Variants in PCBP3 observed in about 807,000 individuals in gnomAD.
PCBP3 encodes the protein poly(rC)-binding protein 3.
Under a neutral mutation model 52.7 loss-of-function variants are expected in PCBP3, and 25 were observed. The observed-to-expected ratio is 0.47, with a 90% CI of 0.35 to 0.66. The LOEUF is 0.66. Among genes scored for constraint, PCBP3 ranks in the 30% least tolerant of loss-of-function variants. PCBP3 has a pLI of 0.01. For missense variants in PCBP3, 391 were observed against 490.3 expected (o/e 0.80, Z 1.91); for synonymous variants, 162 against 183.0 (o/e 0.89, Z 0.93).
At chr21:45,669,281 C>T (rs1485866639) in intron 2 of PCBP3, among the ~76,000 whole-genome samples, 1 of 152,054 alleles carries the variant, frequency 6.6e-6, no homozygotes, top group Non-Finnish European at 1.5e-5. Flanking sequence ...ATTCTTTCTT[C>T]AGCAGCACTC....
chr21:45,665,959 G>A lies in PCBP3; in HGVS notation c.-278-2915G>A, dbSNP rs115186146. On this transcript the variant is annotated intron_variant, in intron 1 of 17. Coordinates refer to ENST00000681687, the MANE Select transcript of PCBP3 (RefSeq NM_001384156.1). ...GGTTTTGTTCCAGGGATGCAAGGAT[G>A]GTTCAACATATGTAAATCATTAAAT... Among the ~76,000 whole-genome samples, 184 of 152,156 alleles carry A rather than the reference G, an allele frequency of 1.2e-3. 1 individual carries two copies. The highest frequency in any genetic ancestry group is 6.8e-3 in the Middle Eastern group (2 of 294).
At chr21:45,862,481 G>A (rs2094547277) in intron 5 of PCBP3, among the ~76,000 whole-genome samples, 1 of 152,066 alleles carries the variant, frequency 6.6e-6, no homozygotes, top group Non-Finnish European at 1.5e-5. Flanking sequence ...AGTCTGAATA[G>A]GCAGATCTCA....
chr21:45,828,455 T>C (rs1603445719), intron 4 of PCBP3: 3 of 152,230 alleles, frequency 2.0e-5, no homozygotes, highest in South Asian at 2.1e-4. Context: ...ATGGGTGGGA[T>C]CAGTTCGCAA....
chr21:45,654,750 T>C (rs962437750), intron 1 of PCBP3, among the ~76,000 whole-genome samples: 37 of 152,372 alleles, frequency 2.4e-4, no homozygotes, highest in African/African-American at 8.9e-4. Flanking sequence ...AAATTCACCC[T>C]TTTAAAGTTT....
At chr21:45,768,378 T>G (rs1209412170) in intron 4 of PCBP3, among the ~76,000 whole-genome samples, 1 of 152,224 alleles carries the variant, frequency 6.6e-6, no homozygotes, top group African/African-American at 2.4e-5. Flanking sequence ...TACAGTAAAT[T>G]CCTGAAGGCG....
In PCBP3 at chr21:45,928,404, T is replaced by A. The variant is rs1184639490; in HGVS notation, c.718-1513T>A. The stretch of plus-strand genomic sequence containing the variant: ...CAGGGCTGGGGAGCAGGCCCCCCGA[T>A]CCTCCCAGGGTACTAGGTACTGAGG... On this transcript the variant is annotated intron_variant, in intron 13 of 17. Coordinates refer to ENST00000681687, the MANE Select transcript of PCBP3 (RefSeq NM_001384156.1). This position sits in a 1 kb window ranked among gnomAD's most constrained non-coding sequence, Gnocchi z 4.1. Among the ~76,000 whole-genome samples, 1 of 152,054 alleles carries A rather than the reference T, an allele frequency of 6.6e-6. No individual in the cohort carries two copies. The highest frequency in any genetic ancestry group is 1.5e-5 in the Non-Finnish European group (1 of 67,986).
In PCBP3 at chr21:45,735,801, G is replaced by A. The variant is rs769438795; in HGVS notation, c.-162+372G>A. Reference sequence around the variant, plus strand: ...AGCCTACCGCACAAGCCTACCGCACGCCTTTGTTCTTGTGCCAACAGTGCC... The same window carrying A: ...AGCCTACCGCACAAGCCTACCGCACACCTTTGTTCTTGTGCCAACAGTGCC... On this transcript the variant is annotated intron_variant, in intron 3 of 17. Transcript: ENST00000681687. The surrounding 1 kb of genome is among the most constrained non-coding windows in gnomAD (Gnocchi z 4.0). Among the ~76,000 whole-genome samples, 5 of 152,186 alleles carry A rather than the reference G, an allele frequency of 3.3e-5. No individual in the cohort carries two copies. The highest frequency in any genetic ancestry group is 5.9e-5 in the Non-Finnish European group (4 of 68,028).
At chr21:45,803,458 C>T (rs751663710) in intron 4 of PCBP3, among the ~76,000 whole-genome samples, 2 of 152,102 alleles carry the variant, frequency 1.3e-5, no homozygotes, top group East Asian at 1.9e-4. Flanking sequence ...AGCTTGGGGG[C>T]GGGCCATGAG....
chr21:45,755,707 C>T (rs1341847951), intron 4 of PCBP3, among the ~76,000 whole-genome samples: 2 of 152,114 alleles, frequency 1.3e-5, no homozygotes, highest in Non-Finnish European at 2.9e-5. Context: ...GCTTGTTTCC[C>T]ATCTGTATGT....
rs1399276181 is a variant in PCBP3, at chr21:45,802,304, C to T, written c.-126+46852C>T. Among the ~76,000 whole-genome samples the T allele has an allele frequency of 6.6e-6, 1 of 152,150 alleles. No individual in the cohort carries two copies. Among genetic ancestry groups the T allele is most frequent in the East Asian group, 1.9e-4 (1 of 5,186 alleles). On this transcript the variant is annotated intron_variant, in intron 4 of 17. Coordinates refer to ENST00000681687, the MANE Select transcript of PCBP3 (RefSeq NM_001384156.1). This position sits in a 1 kb window ranked among gnomAD's most constrained non-coding sequence, Gnocchi z 5.1. Reference sequence around the variant, plus strand: ...AGCTGTCCGGCCCCTGCGTCAGCACCACCCCTTGCTGTGTTCCTGAAGCGT... The same window carrying T: ...AGCTGTCCGGCCCCTGCGTCAGCACTACCCCTTGCTGTGTTCCTGAAGCGT...
Position 45,929,954 on chromosome 21 carries a change from C to T in PCBP3, c.755C>T (p.Thr252Ile). ...CTCCACCAGTTGGCCATGCAGCAAA[C>T]CCCCTTTCCTCCCCTCGGACAGACC... is the stretch of plus-strand genomic sequence containing the variant. ...TKLHQLAMQQ[T>I]PFPPLGQTNP... The change falls in exon 14 of 18, where the codon ACC becomes ATC. Residue 252 changes from threonine (T) to isoleucine (I), a missense_variant. Physicochemically the swap from Thr to Ile is moderately conservative, Grantham distance 89 (BLOSUM62 -1). Coordinates refer to ENST00000681687, the MANE Select transcript of PCBP3 (RefSeq NM_001384156.1). 6.2e-7 allele frequency: 1 copy of T among 1,613,894 alleles called. No homozygotes were observed. The highest frequency in any genetic ancestry group is 1.6e-4 in the Middle Eastern group (1 of 6,062).
At chr21:45,808,719 A>C (rs2092590348) in intron 4 of PCBP3, among the ~76,000 whole-genome samples, 1 of 152,214 alleles carries the variant, frequency 6.6e-6, no homozygotes, top group Non-Finnish European at 1.5e-5. Context: ...AAGTCATTCT[A>C]CTATAAAGAC....
chr21:45,884,039 T>TC (rs944653336), intron 5 of PCBP3, among the ~76,000 whole-genome samples: 5 of 151,998 alleles, frequency 3.3e-5, no homozygotes, highest in Middle Eastern at 3.4e-3. Flanking sequence ...GCTGAAGTGA[T>TC]CCCCCCACCC....
At chr21:45,700,325 C>T (rs1043726707) in intron 2 of PCBP3, among the ~76,000 whole-genome samples, 29 of 152,226 alleles carry the variant, frequency 1.9e-4, no homozygotes, top group Admixed American at 7.8e-4. Flanking sequence ...CTTAGTCTTA[C>T]GGTTTAAGGA....
chr21:45,838,960 C>G (rs1022185848), intron 4 of PCBP3, among the ~76,000 whole-genome samples: 15 of 152,126 alleles, frequency 9.9e-5, no homozygotes, highest in Non-Finnish European at 1.9e-4. Flanking sequence ...CCCTTTCTCT[C>G]CATTCAGTTC....
chr21:45,912,796 G>A (rs767612241), intron 11 of PCBP3, among the ~76,000 whole-genome samples: 5 of 152,254 alleles, frequency 3.3e-5, no homozygotes, highest in Middle Eastern at 3.4e-3. Context: ...AGCGGCTCCC[G>A]TCTACCTCAG....
intron 2 of PCBP3, among the ~76,000 whole-genome samples, chr21:45,672,325 G>A (rs1334478960): frequency 1.3e-5 from 2 of 151,994 alleles, no homozygotes; most frequent in Non-Finnish European, 2.9e-5. Flanking sequence ...ATAAATTACT[G>A]AGTTTTTGGT....
chr21:45,852,424 GCAGCCACCC>G, intron 5 of PCBP3, among the ~76,000 whole-genome samples: 1 of 104,860 alleles, frequency 9.5e-6, no homozygotes, highest in Non-Finnish European at 2.0e-5. Context: ...ACACAGCCCT[GCAGCCACCC>G]TGACTTCTGT....
chr21:45,780,910 A>G (rs890469657), intron 4 of PCBP3, among the ~76,000 whole-genome samples: 64 of 152,284 alleles, frequency 4.2e-4, no homozygotes, highest in African/African-American at 1.4e-3. Flanking sequence ...AAGCAGCCAC[A>G]AGCTCCGTGG....
Sources: allele counts gnomAD v4.1 joint callset (sites outside exome capture counted in the v4.1 genomes callset), GRCh38; gene constraint gnomAD v4.1.1; non-coding constraint Gnocchi (gnomAD v3.1); transcripts MANE v1.5; gene names NCBI Gene and HGNC (gene_info 2026-07-23, HGNC 2026-07-21).